The following ARHGAP24 variants were observed in gnomAD, a reference collection of about 807,000 sequenced individuals.
ARHGAP24 encodes rho GTPase-activating protein 24.
In ARHGAP24, 50 loss-of-function variants were observed where a neutral mutation model predicts 76.4. That is an observed-to-expected ratio of 0.65 (90% CI 0.52 to 0.83). The LOEUF is 0.83. Among genes scored for constraint, ARHGAP24 ranks in the 40% least tolerant of loss-of-function variants. The pLI is 0.00. For missense variants in ARHGAP24, 930 were observed against 914.2 expected (o/e 1.02, Z -0.22); for synonymous variants, 345 against 323.3 (o/e 1.07, Z -0.72).
chr4:85,707,098 G>A (rs1186662884), intron 2 of ARHGAP24, among the ~76,000 whole-genome samples: 5 of 152,014 alleles, frequency 3.3e-5, no homozygotes, highest in African/African-American at 7.2e-5. Context: ...AAAATTTTTT[G>A]TGGAGGCACA....
At chr4:85,978,452 A>G (rs918971824) in intron 8 of ARHGAP24, among the ~76,000 whole-genome samples, 8 of 152,196 alleles carry the variant, frequency 5.3e-5, no homozygotes, top group Non-Finnish European at 1.2e-4. Flanking sequence ...ACGTGTGAGA[A>G]AAAAAGCTTT....
intron 3 of ARHGAP24, among the ~76,000 whole-genome samples, chr4:85,824,872 C>G (rs547223233): frequency 3.3e-5 from 5 of 152,116 alleles, no homozygotes; most frequent in Non-Finnish European, 5.9e-5. Flanking sequence ...GTTGGATCAC[C>G]TCAGGTCAGG....
intron 3 of ARHGAP24, among the ~76,000 whole-genome samples, chr4:85,874,806 A>T (rs1240620002): frequency 4.2e-5 from 2 of 47,322 alleles, no homozygotes; most frequent in African/African-American, 2.3e-4. Flanking sequence ...TATATATAAA[A>T]TATATTTATA....
At chr4:85,811,150 C>G (rs1041160109) in intron 3 of ARHGAP24, among the ~76,000 whole-genome samples, 1 of 152,174 alleles carries the variant, frequency 6.6e-6, no homozygotes, top group South Asian at 2.1e-4. Flanking sequence ...ATGCAAGAGC[C>G]AATGATTTCT....
chr4:85,754,164 A>G (rs897699887), intron 3 of ARHGAP24, among the ~76,000 whole-genome samples: 1 of 152,184 alleles, frequency 6.6e-6, no homozygotes, highest in Non-Finnish European at 1.5e-5. Flanking sequence ...TCCACATATG[A>G]GTGAAAACAA....
At chr4:85,643,253 T>TGG in intron 2 of ARHGAP24, among the ~76,000 whole-genome samples, 1 of 68,568 alleles carries the variant, frequency 1.5e-5, no homozygotes, top group African/African-American at 4.8e-5. Flanking sequence ...TTTTTTTTTT[T>TGG]TTTTTTTTTT....
At chr4:85,747,486 G>A (rs1726088711) in intron 3 of ARHGAP24, among the ~76,000 whole-genome samples, 2 of 152,146 alleles carry the variant, frequency 1.3e-5, no homozygotes, top group Non-Finnish European at 2.9e-5. Context: ...GGCGGATCAC[G>A]AGGTCAGGAG....
At chr4:85,793,011 TAA>T (rs1728195633) in intron 3 of ARHGAP24, among the ~76,000 whole-genome samples, 2 of 152,128 alleles carry the variant, frequency 1.3e-5, no homozygotes, top group Non-Finnish European at 2.9e-5. Context: ...GACAATAAGA[TAA>T]ATAGAGAGTT....
chr4:85,908,317 G>T (rs1381158751), intron 3 of ARHGAP24, among the ~76,000 whole-genome samples: 1 of 152,014 alleles, frequency 6.6e-6, no homozygotes, highest in Admixed American at 6.5e-5. Flanking sequence ...CTCATTTCAT[G>T]GTTTGTCTCC....
intron 2 of ARHGAP24, among the ~76,000 whole-genome samples, chr4:85,671,323 T>C (rs1369395861): frequency 1.3e-5 from 2 of 152,296 alleles, no homozygotes; most frequent in South Asian, 2.1e-4. Context: ...TGGTATTTTT[T>C]CCCTGTGTTT....
intron 3 of ARHGAP24, among the ~76,000 whole-genome samples, chr4:85,811,563 T>G (rs1729012937): frequency 6.6e-6 from 1 of 152,220 alleles, no homozygotes; most frequent in Non-Finnish European, 1.5e-5. Flanking sequence ...CCCTAAAGTT[T>G]TATTTTTTAT....
At chr4:85,818,637 A>G (rs1380002622) in intron 3 of ARHGAP24, among the ~76,000 whole-genome samples, 2 of 152,208 alleles carry the variant, frequency 1.3e-5, no homozygotes, top group African/African-American at 4.8e-5. Context: ...GTCCTTTTAA[A>G]TGCGTCCCTC....
chr4:85,868,031 A>G (rs1732305454), intron 3 of ARHGAP24, among the ~76,000 whole-genome samples: 1 of 151,928 alleles, frequency 6.6e-6, no homozygotes, highest in East Asian at 1.9e-4. Flanking sequence ...TCCTAAGAAC[A>G]TGTGCTCAAA....
chr4:85,833,792 G>A (rs1458462271), intron 3 of ARHGAP24, among the ~76,000 whole-genome samples: 1 of 152,200 alleles, frequency 6.6e-6, no homozygotes, highest in East Asian at 1.9e-4. Context: ...TGCTGAGAAT[G>A]AAGGCCAAAT....
intron 3 of ARHGAP24, among the ~76,000 whole-genome samples, chr4:85,885,096 G>A (rs1041329558): frequency 5.9e-5 from 9 of 152,088 alleles, no homozygotes; most frequent in African/African-American, 2.2e-4. Context: ...TTTCTTCAGT[G>A]TTTAGATTTA....
intron 7 of ARHGAP24, among the ~76,000 whole-genome samples, chr4:85,976,735 G>C (rs949403757): frequency 2.0e-5 from 3 of 148,398 alleles, no homozygotes; most frequent in African/African-American, 7.5e-5. Flanking sequence ...GCAATTTTTG[G>C]TATCATTAGA....
chr4:85,515,929 A>G (rs1383147271), intron 1 of ARHGAP24, among the ~76,000 whole-genome samples: 3 of 152,182 alleles, frequency 2.0e-5, no homozygotes, highest in African/African-American at 7.2e-5. Context: ...TAGCCCTGCC[A>G]ATGGAGGGTG....
At chr4:85,666,601 C>T (rs1000504977) in intron 2 of ARHGAP24, among the ~76,000 whole-genome samples, 1 of 152,172 alleles carries the variant, frequency 6.6e-6, no homozygotes, top group Middle Eastern at 3.2e-3. Context: ...TTTTTCTGCT[C>T]AGTTTTTTCC....
chr4:85,994,841 C>A lies in ARHGAP24; in HGVS notation c.1187C>A (p.Ser396Ter), dbSNP rs1334958769. ...AACAATGGATCCCCCACAGCTCTAT[C>A]AGGCAGCAAAACCAACAGCCCAAAG... ...SMNNGSPTAL[S>*]GSKTNSPKNS... The change falls in exon 9 of 10, where the codon TCA becomes TAA. Residue 396 changes from serine to a stop codon, truncating the protein, a stop_gained. Coordinates refer to ENST00000395184, the MANE Select transcript of ARHGAP24 (RefSeq NM_001025616.3). LOFTEE classifies it high-confidence loss of function. 1.2e-6 allele frequency: 2 copies of A among 1,614,160 alleles called. No homozygotes were observed. The highest frequency in any genetic ancestry group is 1.7e-6 in the Non-Finnish European group (2 of 1,180,032).
Sources: allele counts gnomAD v4.1 joint callset (sites outside exome capture counted in the v4.1 genomes callset), GRCh38; gene constraint gnomAD v4.1.1; transcripts MANE v1.5; gene names NCBI Gene and HGNC (gene_info 2026-07-23, HGNC 2026-07-21).